CASK: variants seen among roughly 807,000 people sequenced by gnomAD.
CASK encodes the protein peripheral plasma membrane protein CASK.
A neutral mutation model predicts 82.9 loss-of-function variants in CASK; 4 were observed. That is an observed-to-expected ratio of 0.05 (90% confidence interval 0.02 to 0.11). CASK has a LOEUF of 0.11. Among genes scored for constraint, CASK ranks in the 10% least tolerant of loss-of-function variants. The pLI is 1.00. For missense variants in CASK, 358 were observed against 720.9 expected (o/e 0.50, Z 5.76); for synonymous variants, 259 against 253.5 (o/e 1.02, Z -0.20).
At chrX:41,688,497 G>A (rs1324981634) in intron 5 of CASK, among the ~76,000 whole-genome samples, 4 of 111,555 alleles carry the variant, frequency 3.6e-5, no homozygotes, top group African/African-American at 1.3e-4. Flanking sequence ...GTTTATCATA[G>A]TGATCAAAAG....
At chrX:41,780,634 T>A (rs752207958) in intron 3 of CASK, among the ~76,000 whole-genome samples, 3 of 111,900 alleles carry the variant, frequency 2.7e-5, no homozygotes, top group South Asian at 3.7e-4. Context: ...TAAGTAGATA[T>A]CAACTATTAT....
At chrX:41,747,293 C>A (rs2068702170) in intron 3 of CASK, among the ~76,000 whole-genome samples, 1 of 111,135 alleles carries the variant, frequency 9.0e-6, no homozygotes, top group Non-Finnish European at 1.9e-5. Flanking sequence ...TTATAATGGT[C>A]TAGTCTACTC....
intron 1 of CASK, among the ~76,000 whole-genome samples, chrX:41,897,768 G>A: frequency 9.0e-6 from 1 of 111,479 alleles, no homozygotes; most frequent in South Asian, 3.8e-4. Flanking sequence ...AGGTAGTGAT[G>A]ATCAAGAAGA....
At chrX:41,803,493 G>A (rs1484134938) in intron 2 of CASK, among the ~76,000 whole-genome samples, 1 of 111,092 alleles carries the variant, frequency 9.0e-6, no homozygotes, top group African/African-American at 3.3e-5. Context: ...TTGGGAAGCC[G>A]AGGCAGGAGA....
chrX:41,889,391 T>C (rs1171000524), intron 1 of CASK, among the ~76,000 whole-genome samples: 1 of 110,788 alleles, frequency 9.0e-6, no homozygotes, highest in East Asian at 2.8e-4. Flanking sequence ...TGCATTTCCC[T>C]GATCATTAGT....
chrX:41,667,997 C>T (rs1401772419), intron 6 of CASK, among the ~76,000 whole-genome samples: 1 of 111,766 alleles, frequency 8.9e-6, no homozygotes, highest in African/African-American at 3.3e-5. Flanking sequence ...TCTTTTCTCT[C>T]ACTATGCTTT....
chrX:41,754,135 C>T (rs1252071890), intron 3 of CASK, among the ~76,000 whole-genome samples: 1 of 111,046 alleles, frequency 9.0e-6, no homozygotes, highest in Non-Finnish European at 1.9e-5. Flanking sequence ...CAGTGCCTCA[C>T]ACCTGTAATC....
At chrX:41,723,303 G>A (rs967155981) in intron 5 of CASK, among the ~76,000 whole-genome samples, 8 of 112,154 alleles carry the variant, frequency 7.1e-5, no homozygotes. Context: ...ACTCAAGGAT[G>A]AGAGGGAGTG....
intron 1 of CASK, among the ~76,000 whole-genome samples, chrX:41,877,897 G>A (rs1256791110): frequency 9.0e-6 from 1 of 110,772 alleles, no homozygotes; most frequent in African/African-American, 3.3e-5. Flanking sequence ...TGCAATGAAT[G>A]CCGCTAAATT....
chrX:41,792,090 G>A (rs1466756272), intron 2 of CASK, among the ~76,000 whole-genome samples: 1 of 110,996 alleles, frequency 9.0e-6, no homozygotes, highest in Non-Finnish European at 1.9e-5. Context: ...ATCCCACCAG[G>A]GTCTGCCTAT....
At chrX:41,711,076 C>T (rs942000533) in intron 5 of CASK, among the ~76,000 whole-genome samples, 5 of 111,211 alleles carry the variant, frequency 4.5e-5, no homozygotes, top group Non-Finnish European at 9.4e-5. Context: ...AAGAGGGAGC[C>T]GTGGGATCCC....
chrX:41,920,711 G>A (rs930624072), intron 1 of CASK, among the ~76,000 whole-genome samples: 3 of 111,903 alleles, frequency 2.7e-5, no homozygotes, highest in Non-Finnish European at 5.6e-5. Flanking sequence ...AATATGGACT[G>A]TGTTAATGTG....
At position 41,569,714 on chromosome X, in the gene CASK, A is replaced by G. The variant is rs771205895; in HGVS notation, c.1536T>C (p.His512=). The change falls in exon 16 of 27, where the codon CAT becomes CAC. Residue 512 remains histidine, a synonymous_variant. Transcript: ENST00000378163. ...GITLKMNELN[H]CIVARIMHGG... ...CATGCATAATTCTTGCAACAATACAATGATTTAGTTCATTCATTTTTAAAG... is the reference window on the plus strand; with the variant it reads ...CATGCATAATTCTTGCAACAATACAGTGATTTAGTTCATTCATTTTTAAAG... The G allele has an allele frequency of 2.0e-5, 23 of 1,167,056 alleles. No homozygotes were observed. The highest frequency in any genetic ancestry group is 2.3e-5 in the Non-Finnish European group (20 of 857,924).
At chrX:41,696,921 G>T in intron 5 of CASK, 1 of 393,606 alleles carries the variant, frequency 2.5e-6, no homozygotes, top group South Asian at 8.2e-5. Flanking sequence ...TTGCTTAACT[G>T]TAAACCATTT....
At chrX:41,811,597 A>T (rs1490443965) in intron 2 of CASK, among the ~76,000 whole-genome samples, 1 of 112,714 alleles carries the variant, frequency 8.9e-6, no homozygotes, top group Non-Finnish European at 1.9e-5. Flanking sequence ...TAGTGTGTAG[A>T]GGGAAATTTA....
chrX:41,763,488 C>T (rs1224378521), intron 3 of CASK, among the ~76,000 whole-genome samples: 1 of 110,480 alleles, frequency 9.1e-6, no homozygotes, highest in African/African-American at 3.3e-5. Context: ...ATGGTGAAAC[C>T]CTGTCTCTAC....
At position 41,519,808 on chromosome X, in the gene CASK, AG is replaced by A. The variant is rs372562683; in HGVS notation, c.*611del. The A allele has an allele frequency of 1.5e-4, 16 of 108,912 alleles. No individual in the cohort carries two copies. Among genetic ancestry groups the A allele is most frequent in the African/African-American group, 4.4e-4 (13 of 29,822 alleles). 9.0% of individuals were successfully genotyped at this position (108,912 alleles called of 1,213,427 possible). A position where few individuals can be genotyped will look rare whatever the true frequency, so the allele number is the denominator to read the frequency against. ...AACTTCAAATCTCTAAAAGGTTTAC[AG>A]GGTGCTTCAAAGAGACAGTATCACA... is the stretch of plus-strand genomic sequence containing the variant. On this transcript the variant is annotated 3_prime_UTR_variant, in exon 27 of 27. Coordinates refer to ENST00000378163, the MANE Select transcript of CASK (RefSeq NM_001367721.1).
At chrX:41,771,708 G>A (rs1199646280) in intron 3 of CASK, among the ~76,000 whole-genome samples, 1 of 111,217 alleles carries the variant, frequency 9.0e-6, no homozygotes, top group Non-Finnish European at 1.9e-5. Context: ...AAAATTAACA[G>A]AGGGAAAATA....
chrX:41,726,241 C>T (rs1361473860), intron 5 of CASK, among the ~76,000 whole-genome samples: 3 of 112,785 alleles, frequency 2.7e-5, no homozygotes, highest in Non-Finnish European at 5.6e-5. Flanking sequence ...AGAGCCACCA[C>T]ATCTGGCTGT....
Sources: allele counts gnomAD v4.1 joint callset (sites outside exome capture counted in the v4.1 genomes callset), GRCh38; gene constraint gnomAD v4.1.1; transcripts MANE v1.5; gene names NCBI Gene and HGNC (gene_info 2026-07-23, HGNC 2026-07-21).